MAX: variants seen among roughly 807,000 people sequenced by gnomAD.
MAX encodes MYC associated transcriptional regulator X, also known as protein max.
In MAX, 3 loss-of-function variants were observed where a neutral mutation model predicts 22.3. That is an observed-to-expected ratio of 0.13 (90% CI 0.06 to 0.35). The LOEUF is 0.35. MAX is among the 10% of genes least tolerant of loss of function. The pLI is 1.00. For missense variants in MAX, 119 were observed against 209.4 expected (o/e 0.57, Z 2.66); for synonymous variants, 72 against 77.7 (o/e 0.93, Z 0.39).
At chr14:65,087,240 T>C (rs1263639345) in intron 3 of MAX, among the ~76,000 whole-genome samples, 2 of 152,198 alleles carry the variant, frequency 1.3e-5, no homozygotes, top group Non-Finnish European at 2.9e-5. Context: ...AGACAGGAAA[T>C]GTGGGGTCAG....
chr14:65,038,708 ACT>A (rs919984140), intron 3 of MAX, among the ~76,000 whole-genome samples: 17 of 152,110 alleles, frequency 1.1e-4, no homozygotes, highest in African/African-American at 3.6e-4. Context: ...TCAGAGCGAG[ACT>A]CTGTCTCAAA....
rs552718474 is a variant in MAX at position 65,084,717 on chromosome 14, A to G, written c.172-6681T>C. On this transcript the variant is annotated intron_variant, in intron 3 of 4. Transcript: ENST00000358664. The surrounding 1 kb of genome is among the most constrained non-coding windows in gnomAD (Gnocchi z 4.3). ...ATGCCTAATGACTAAACATGAGCAC[A>G]CTGTATGACCTAGCGAAAAAATATA... 5.3e-5 allele frequency among the ~76,000 whole-genome samples: 8 copies of G among 152,350 alleles called. 1 individual carries two copies. In the South Asian group the frequency reaches 1.5e-3, roughly 28 times the overall value.
At chr14:65,034,169 G>A (rs1283886447) in intron 3 of MAX, among the ~76,000 whole-genome samples, 1 of 152,104 alleles carries the variant, frequency 6.6e-6, no homozygotes, top group South Asian at 2.1e-4. Context: ...CTGTGCACAC[G>A]TGCGTTTTGA....
downstream of MAX, among the ~76,000 whole-genome samples, chr14:65,072,962 A>G (rs2063004823): frequency 6.6e-6 from 1 of 152,090 alleles, no homozygotes; most frequent in Non-Finnish European, 1.5e-5. Flanking sequence ...CAAGAAGTCA[A>G]CCCTTACTCA....
intron 2 of MAX, among the ~76,000 whole-genome samples, chr14:65,100,915 T>G (rs2063812389): frequency 6.6e-6 from 1 of 152,262 alleles, no homozygotes; most frequent in South Asian, 2.1e-4. Flanking sequence ...TCAGCAAAGC[T>G]GTCTCTGCAA....
At chr14:65,053,092 G>A (rs1378667057) in intron 3 of MAX, 2 of 499,262 alleles carry the variant, frequency 4.0e-6, no homozygotes, top group East Asian at 3.6e-5. Flanking sequence ...GTAGGACATG[G>A]GGAAGATAGC....
chr14:65,087,742 G>C (rs2063378300), intron 3 of MAX, among the ~76,000 whole-genome samples: 1 of 152,180 alleles, frequency 6.6e-6, no homozygotes, highest in Non-Finnish European at 1.5e-5. Flanking sequence ...GTGGACTTCT[G>C]AGTTAATGCT....
At chr14:65,087,725 T>C (rs2063377783) in intron 3 of MAX, among the ~76,000 whole-genome samples, 1 of 152,208 alleles carries the variant, frequency 6.6e-6, no homozygotes, top group Admixed American at 6.5e-5. Context: ...AGATGAGACT[T>C]TGCACTGTGG....
chr14:65,006,425 T>C (rs2061591658), intron 3 of MAX: 1 of 1,342,172 alleles, frequency 7.5e-7, no homozygotes. Flanking sequence ...AGCTAGAGAT[T>C]AGCAAATGAC....
At chr14:65,094,524 G>A (rs887666509) in intron 2 of MAX, among the ~76,000 whole-genome samples, 1 of 152,240 alleles carries the variant, frequency 6.6e-6, no homozygotes, top group African/African-American at 2.4e-5. Context: ...GCAGTTCTTA[G>A]AGGGCACAAC....
Position 65,008,946 on chromosome 14 carries a change from C to T in MAX, c.172-2662G>A, listed in dbSNP as rs546365792. On this transcript the variant is annotated intron_variant, in intron 3 of 3. Coordinates refer to the MAX transcript ENST00000341653. ...TCCTGTCACCCTCTGCACAGTGAGA[C>T]GGGGGCCCTCCTCATCCACTTGAGC... 1.2e-4 allele frequency among the ~76,000 whole-genome samples: 19 copies of T among 152,308 alleles called. 1 individual carries two copies. Among genetic ancestry groups the T allele is most frequent in the African/African-American group, 3.8e-4 (16 of 41,582 alleles).
chr14:65,042,895 G>A (rs573317746), intron 3 of MAX, among the ~76,000 whole-genome samples: 1 of 152,294 alleles, frequency 6.6e-6, no homozygotes, highest in Non-Finnish European at 1.5e-5. Flanking sequence ...AAGATCAACC[G>A]AGGATATATT....
At chr14:65,067,456 G>A (rs117170128) in intron 3 of MAX, among the ~76,000 whole-genome samples, 4,044 of 152,192 alleles carry the variant, frequency 0.027, 70 homozygotes, top group Non-Finnish European at 0.044. Context: ...ACATTACACT[G>A]AGCTGTCATG....
chr14:65,058,110 CTT>C (rs568696633), intron 3 of MAX, among the ~76,000 whole-genome samples: 5 of 147,546 alleles, frequency 3.4e-5, no homozygotes, highest in African/African-American at 9.8e-5. Flanking sequence ...AGAGAACCAA[CTT>C]TTTTTTTTTT....
downstream of MAX, among the ~76,000 whole-genome samples, chr14:65,071,141 TC>T (rs1443710490): frequency 1.3e-5 from 2 of 151,544 alleles, no homozygotes; most frequent in Non-Finnish European, 2.9e-5. The surrounding 1 kb of genome is among the most constrained non-coding windows in gnomAD (Gnocchi z 4.2). Context: ...GTTTATTCAC[TC>T]CACATTTTTT....
At chr14:65,020,814 C>T (rs926813623) in intron 3 of MAX, among the ~76,000 whole-genome samples, 1 of 148,676 alleles carries the variant, frequency 6.7e-6, no homozygotes, top group Non-Finnish European at 1.5e-5. Flanking sequence ...TCACTGCAAC[C>T]TCCACCTCCC....
intron 3 of MAX, among the ~76,000 whole-genome samples, chr14:65,046,587 G>T (rs1283614525): frequency 6.6e-6 from 1 of 152,158 alleles, no homozygotes; most frequent in African/African-American, 2.4e-5. Context: ...TTTTTTCATT[G>T]GCTGGGAGAA....
At chr14:65,061,503 T>C (rs2062864991) in intron 3 of MAX, 3 of 1,056,876 alleles carry the variant, frequency 2.8e-6, no homozygotes, top group Non-Finnish European at 2.6e-6. Context: ...GTTTTAAAAA[T>C]TCTTTCCACA....
intron 3 of MAX, among the ~76,000 whole-genome samples, chr14:65,058,575 CATG>C (rs2062794159): frequency 6.6e-6 from 1 of 152,182 alleles, no homozygotes; most frequent in African/African-American, 2.4e-5. Context: ...GATCATTAAG[CATG>C]ATGTTTACTG....
Sources: gnomAD v4.1 joint callset for allele counts (sites outside exome capture counted in the v4.1 genomes callset) on GRCh38, gnomAD v4.1.1 for gene constraint, Gnocchi (gnomAD v3.1) non-coding constraint, MANE v1.5 for transcripts, NCBI Gene and HGNC (gene_info 2026-07-23, HGNC 2026-07-21) for gene names.